Variants in VAV3 observed in about 807,000 individuals in gnomAD.
The protein encoded by VAV3 is guanine nucleotide exchange factor VAV3.
Under a neutral mutation model 131.2 loss-of-function variants are expected in VAV3, and 94 were observed. That is an observed-to-expected ratio of 0.72 (90% confidence interval 0.61 to 0.85). The LOEUF is 0.85. VAV3 is among the 40% of genes least tolerant of loss of function. The pLI, the probability that VAV3 is intolerant of heterozygous loss-of-function variation, is 0.00. For synonymous variants in VAV3, 349 were observed against 342.0 expected (o/e 1.02, Z -0.22); for missense variants, 939 against 1,002.7 (o/e 0.94, Z 0.86).
intron 17 of VAV3, among the ~76,000 whole-genome samples, chr1:107,690,276 C>T (rs1161151306): frequency 2.6e-5 from 4 of 152,274 alleles, no homozygotes; most frequent in Middle Eastern, 6.8e-3. Flanking sequence ...GTAGTTGTCA[C>T]ACCATGTTCC....
chr1:107,629,667 C>T lies in VAV3; in HGVS notation c.1915-12035G>A, dbSNP rs1570643495. ...AAAGAAAATGCTGCCAAAAGGAATCCTGAAATGCAAAGACTGAACAGAGTA... is the reference window on the plus strand; with the variant it reads ...AAAGAAAATGCTGCCAAAAGGAATCTTGAAATGCAAAGACTGAACAGAGTA... On this transcript the variant is annotated intron_variant, in intron 20 of 26. Transcript: ENST00000370056. Among the ~76,000 whole-genome samples the T allele has an allele frequency of 2.0e-5, 3 of 152,178 alleles. No individual in the cohort carries two copies. In the East Asian group the frequency reaches 5.8e-4, roughly 29 times the overall value.
intron 12 of VAV3, among the ~76,000 whole-genome samples, chr1:107,751,444 G>T (rs1184084396): frequency 6.6e-6 from 1 of 152,128 alleles, no homozygotes; most frequent in African/African-American, 2.4e-5. Flanking sequence ...TATTCTTAAA[G>T]GGGAAATTAG....
At chr1:107,804,959 G>A (rs1666994944) in intron 2 of VAV3, among the ~76,000 whole-genome samples, 1 of 151,654 alleles carries the variant, frequency 6.6e-6, no homozygotes, top group Non-Finnish European at 1.5e-5. Flanking sequence ...GGTGGGGTGG[G>A]GGTTGGGTTT....
At chr1:107,871,376 C>A (rs1571072088) in intron 2 of VAV3, among the ~76,000 whole-genome samples, 1 of 148,884 alleles carries the variant, frequency 6.7e-6, no homozygotes, top group Admixed American at 6.7e-5. Context: ...GAAAAGAAAT[C>A]TCCCTCTTTC....
At chr1:107,871,506 A>T (rs1571072263) in intron 2 of VAV3, among the ~76,000 whole-genome samples, 1 of 98,622 alleles carries the variant, frequency 1.0e-5, no homozygotes, top group Admixed American at 1.1e-4. Context: ...CTGTGTGATT[A>T]AAAAAAAAAG....
At chr1:107,661,030 AAAG>A (rs1255487690) in intron 19 of VAV3, among the ~76,000 whole-genome samples, 2 of 152,178 alleles carry the variant, frequency 1.3e-5, no homozygotes, top group Admixed American at 6.5e-5. Flanking sequence ...ACACACACAT[AAAG>A]AAGTACAGAA....
chr1:107,884,520 A>G (rs1161645999), intron 1 of VAV3, among the ~76,000 whole-genome samples: 1 of 151,296 alleles, frequency 6.6e-6, no homozygotes, highest in Non-Finnish European at 1.5e-5. Flanking sequence ...AGTTCACTGC[A>G]GCCTCAATCT....
intron 12 of VAV3, among the ~76,000 whole-genome samples, chr1:107,753,533 T>TAC (rs1279750404): frequency 1.5e-3 from 137 of 90,660 alleles, no homozygotes; most frequent in Non-Finnish European, 2.2e-3. Flanking sequence ...TATACGTATA[T>TAC]ATATATATAT....
At chr1:107,887,457 C>A (rs1671090181) in intron 1 of VAV3, among the ~76,000 whole-genome samples, 1 of 152,178 alleles carries the variant, frequency 6.6e-6, no homozygotes, top group Admixed American at 6.5e-5. Context: ...ATCTGCCCAA[C>A]ACATAAAATC....
intron 1 of VAV3, among the ~76,000 whole-genome samples, chr1:107,926,318 A>T (rs1246449761): frequency 6.6e-6 from 1 of 152,058 alleles, no homozygotes; most frequent in Non-Finnish European, 1.5e-5. Flanking sequence ...AGAATCAACA[A>T]GGGGCTCCCA....
At chr1:107,902,050 A>T (rs548595405) in intron 1 of VAV3, among the ~76,000 whole-genome samples, 2 of 152,212 alleles carry the variant, frequency 1.3e-5, no homozygotes, top group East Asian at 3.9e-4. Flanking sequence ...TCTCAAAAAA[A>T]AAAACAAAAA....
intron 2 of VAV3, among the ~76,000 whole-genome samples, chr1:107,845,263 A>T (rs1407684316): frequency 6.6e-6 from 1 of 152,200 alleles, no homozygotes; most frequent in Non-Finnish European, 1.5e-5. Context: ...CATCAACGAA[A>T]AGGACGTCCA....
chr1:107,865,538 G>A (rs1669945275), intron 2 of VAV3, among the ~76,000 whole-genome samples: 1 of 152,156 alleles, frequency 6.6e-6, no homozygotes, highest in African/African-American at 2.4e-5. Flanking sequence ...TTATAATTTG[G>A]AAGGACTTAA....
rs531549477 is a variant in VAV3 at position 107,574,126 on chromosome 1, G to C, written c.2423C>G (p.Ser808Cys). 6 of 1,613,968 alleles carry C rather than the reference G, an allele frequency of 3.7e-6. No homozygotes were observed. The Admixed American group carries it at 8.3e-5, about 22-fold the overall frequency. Residue 808 changes from serine to cysteine, a missense_variant, in exon 26 of 27, where the codon TCC becomes TGC. Ser to Cys is a moderately radical substitution (Grantham distance 112). Transcript: ENST00000370056. ...CTTCACCACATCTCCTTTCAACAAGGACAACTCTCTCATATCTCTTGCACA... is the reference window on the plus strand; with the variant it reads ...CTTCACCACATCTCCTTTCAACAAGCACAACTCTCTCATATCTCTTGCACA... ...DFCARDMRELSLLKGDVVKIY... is the reference protein window; with the variant it reads ...DFCARDMRELCLLKGDVVKIY...
intron 15 of VAV3, among the ~76,000 whole-genome samples, chr1:107,709,303 T>C (rs183759233): frequency 3.4e-4 from 52 of 152,304 alleles, no homozygotes; most frequent in African/African-American, 8.9e-4. Context: ...TAGATATTCA[T>C]AGCTGATAGA....
At chr1:107,919,524 G>C (rs1672785716) in intron 1 of VAV3, among the ~76,000 whole-genome samples, 1 of 152,158 alleles carries the variant, frequency 6.6e-6, no homozygotes, top group Non-Finnish European at 1.5e-5. Context: ...TTTTAAATAT[G>C]AGAAAGTAAG....
intron 15 of VAV3, among the ~76,000 whole-genome samples, chr1:107,720,001 T>C (rs759636802): frequency 7.9e-5 from 12 of 152,026 alleles, no homozygotes; most frequent in Non-Finnish European, 1.2e-4. Context: ...TCAGTAGGAA[T>C]GGAACAATGA....
intron 2 of VAV3, among the ~76,000 whole-genome samples, chr1:107,784,362 T>C (rs72981417): frequency 1.7e-3 from 266 of 152,308 alleles, no homozygotes; most frequent in African/African-American, 6.2e-3. Context: ...TTTCAGTGTA[T>C]ATAAACAGCA....
chr1:107,762,299 C>G (rs1664487524), intron 9 of VAV3, among the ~76,000 whole-genome samples: 1 of 152,098 alleles, frequency 6.6e-6, no homozygotes, highest in Non-Finnish European at 1.5e-5. Flanking sequence ...CTTAGTTTTT[C>G]TGGCACATGG....
Sources: allele counts gnomAD v4.1 joint callset (sites outside exome capture counted in the v4.1 genomes callset), GRCh38; gene constraint gnomAD v4.1.1; transcripts MANE v1.5; gene names NCBI Gene and HGNC (gene_info 2026-07-23, HGNC 2026-07-21).